DCLK2: variants seen among roughly 807,000 people sequenced by gnomAD.
DCLK2 encodes the protein doublecortin like kinase 2.
DCLK2 carries 31 observed loss-of-function variants against 78.4 expected under a neutral mutation model. The ratio of observed to expected loss-of-function variants is 0.40; its 90% CI spans 0.30 to 0.53. DCLK2 has a LOEUF of 0.53. DCLK2 is among the 20% of genes least tolerant of loss of function. The pLI is 0.61. For synonymous variants in DCLK2, 407 were observed against 374.9 expected (o/e 1.09, Z -0.99); for missense variants, 872 against 973.7 (o/e 0.90, Z 1.39).
chr4:150,254,810 GCTAGGACTACAGGTGCACGCCAC>G (rs1744442661), intron 15 of DCLK2, among the ~76,000 whole-genome samples: 1 of 152,088 alleles, frequency 6.6e-6, no homozygotes, highest in African/African-American at 2.4e-5. Context: ...CCTCCAAGTA[GCTAGGACTACAGGTGCACGCCAC>G]CTTGCCCGGC....
intron 1 of DCLK2, among the ~76,000 whole-genome samples, chr4:150,085,604 T>G (rs13127048): frequency 0.34 from 51,569 of 151,988 alleles, 9,131 homozygotes; most frequent in East Asian, 0.42. Context: ...GCTTGGGAGA[T>G]GTGTTCAACC....
intron 12 of DCLK2, among the ~76,000 whole-genome samples, chr4:150,246,199 C>T (rs2126618884): frequency 6.6e-6 from 1 of 152,232 alleles, no homozygotes; most frequent in East Asian, 1.9e-4. Flanking sequence ...TGCGCACCAC[C>T]ATGCCTGGCT....
At chr4:150,185,875 A>G (rs541353290) in intron 2 of DCLK2, among the ~76,000 whole-genome samples, 134 of 152,296 alleles carry the variant, frequency 8.8e-4, no homozygotes, top group African/African-American at 3.1e-3. Flanking sequence ...CCCTAACCTG[A>G]TTAATCTGTC....
rs76294921 is a variant in DCLK2, at chr4:150,166,532, G to C, written c.757-26606G>C. On this transcript the variant is annotated intron_variant, in intron 2 of 15. Coordinates refer to ENST00000296550, the MANE Select transcript of DCLK2 (RefSeq NM_001040260.4). ...AAAAACAAAAACCGATATTCTACTT[G>C]TCCCCAGCATTCTTCATTACTTGTG... Among the ~76,000 whole-genome samples the C allele has an allele frequency of 1.2e-3, 187 of 152,126 alleles. 7 individuals are homozygous for C. In the East Asian group the frequency reaches 0.033, roughly 27 times the overall value.
chr4:150,254,076 C>CA (rs1162544129), intron 15 of DCLK2, among the ~76,000 whole-genome samples: 4 of 152,182 alleles, frequency 2.6e-5, no homozygotes, highest in Admixed American at 2.0e-4. Flanking sequence ...AAGGACAGAG[C>CA]AGGGTGCATG....
chr4:150,143,052 A>G (rs1300895961), intron 2 of DCLK2, among the ~76,000 whole-genome samples: 3 of 152,014 alleles, frequency 2.0e-5, no homozygotes, highest in Non-Finnish European at 4.4e-5. Context: ...TTATCTTTCT[A>G]TGTTAGCTCA....
At chr4:150,182,922 A>G (rs1034567057) in intron 2 of DCLK2, among the ~76,000 whole-genome samples, 3 of 152,158 alleles carry the variant, frequency 2.0e-5, no homozygotes, top group African/African-American at 7.2e-5. Context: ...TCTGATAATG[A>G]AAGCATTTAA....
chr4:150,108,456 A>G (rs1412802188), intron 2 of DCLK2, among the ~76,000 whole-genome samples: 1 of 151,976 alleles, frequency 6.6e-6, no homozygotes, highest in African/African-American at 2.4e-5. Flanking sequence ...AGGCAGGAGA[A>G]TGGCATGAAC....
chr4:150,177,077 T>A (rs1036901347), intron 2 of DCLK2, among the ~76,000 whole-genome samples: 1 of 152,212 alleles, frequency 6.6e-6, no homozygotes, highest in Non-Finnish European at 1.5e-5. Context: ...TTTTATGCAT[T>A]CCCTGTGAAA....
intron 12 of DCLK2, among the ~76,000 whole-genome samples, chr4:150,242,977 G>T (rs990816648): frequency 6.6e-6 from 1 of 152,206 alleles, no homozygotes; most frequent in Non-Finnish European, 1.5e-5. Context: ...TTACAGTGGA[G>T]TTCCCTTCCC....
chr4:150,101,619 A>G (rs1307508933), intron 1 of DCLK2, among the ~76,000 whole-genome samples: 2 of 152,092 alleles, frequency 1.3e-5, no homozygotes, highest in Non-Finnish European at 2.9e-5. Context: ...TGACTTTCCT[A>G]AAAGAAAAAT....
intron 2 of DCLK2, among the ~76,000 whole-genome samples, chr4:150,165,449 C>T (rs1735994673): frequency 6.6e-6 from 1 of 152,130 alleles, no homozygotes; most frequent in African/African-American, 2.4e-5. Flanking sequence ...GGAAAATTTG[C>T]TCCAATTGCT....
intron 1 of DCLK2, among the ~76,000 whole-genome samples, chr4:150,090,638 T>G (rs1443631642): frequency 6.6e-6 from 1 of 152,174 alleles, no homozygotes; most frequent in Non-Finnish European, 1.5e-5. Flanking sequence ...GGTTTTCGTT[T>G]TTACATTTAG....
At position 150,208,400 on chromosome 4, in the gene DCLK2, GT is replaced by G. The variant is rs1553969065; in HGVS notation, c.1056+4516del. Among the ~76,000 whole-genome samples, 3 of 66,376 alleles carry G rather than the reference GT, an allele frequency of 4.5e-5. No homozygotes were observed. In the Admixed American group the frequency reaches 4.8e-4, roughly 11 times the overall value. 43.5% of individuals were successfully genotyped at this position (66,376 alleles called of 152,430 possible). A position where few individuals can be genotyped will look rare whatever the true frequency, so the allele number is the denominator to read the frequency against. ...ATGGAGAAACGGAGTTTTTTTTTTTGTTTTTGTTTTGTTTTGTTTTGTTTTG... is the reference window on the plus strand; with the variant it reads ...ATGGAGAAACGGAGTTTTTTTTTTTGTTTTGTTTTGTTTTGTTTTGTTTTG... On this transcript the variant is annotated intron_variant, in intron 5 of 15. Coordinates refer to ENST00000296550, the MANE Select transcript of DCLK2 (RefSeq NM_001040260.4).
At chr4:150,231,365 C>T (rs937067605) in intron 8 of DCLK2, among the ~76,000 whole-genome samples, 3 of 152,208 alleles carry the variant, frequency 2.0e-5, no homozygotes, top group Non-Finnish European at 4.4e-5. Context: ...GCATTCAGTG[C>T]TCAAGAAACA....
chr4:150,078,911 C>T lies in DCLK2; in HGVS notation c.-117C>T. 1 of 1,308,710 alleles carries T rather than the reference C, an allele frequency of 7.6e-7. No homozygotes were observed. The highest frequency in any genetic ancestry group is 1.7e-5 in the South Asian group (1 of 57,576). The allele number at this position is 1,308,710 out of a possible 1,614,324, so 81.1% of individuals were successfully genotyped here. On this transcript the variant is annotated 5_prime_UTR_variant, in exon 1 of 16. Transcript: ENST00000296550. ...CCACCTGCGCGGAGAGGGCGGGATG[C>T]CAGAGCCAGGTGTCCCGGCGCGTTA...
rs1276644762 is a variant in DCLK2 at position 150,256,389 on chromosome 4, A to ACCGGAGCCTGGCGTG, written c.*155_*169dup. Reference sequence around the variant, plus strand: ...CGGGTCCTCCGCAGGCCGCCTGGGAACCGGAGCCTGGCGTGCCGGAGCCTG... The same window carrying ACCGGAGCCTGGCGTG: ...CGGGTCCTCCGCAGGCCGCCTGGGAACCGGAGCCTGGCGTGCCGGAGCCTGGCGTGCCGGAGCCTG... On this transcript the variant is annotated 3_prime_UTR_variant, in exon 16 of 16. Transcript: ENST00000296550. The ACCGGAGCCTGGCGTG allele has an allele frequency of 8.3e-6, 10 of 1,199,594 alleles. No homozygotes were observed. Among genetic ancestry groups the ACCGGAGCCTGGCGTG allele is most frequent in the Non-Finnish European group, 1.1e-5 (10 of 891,464 alleles). 74.3% of individuals were successfully genotyped at this position (1,199,594 alleles called of 1,614,324 possible).
chr4:150,175,011 AATAT>A lies in DCLK2; in HGVS notation c.757-18108_757-18105del, dbSNP rs1327523541. Among the ~76,000 whole-genome samples, 2 of 9,974 alleles carry A rather than the reference AATAT, an allele frequency of 2.0e-4. 1 individual carries two copies. The highest frequency in any genetic ancestry group is 4.8e-4 in the Non-Finnish European group (2 of 4,166). The allele number at this position is 9,974 out of a possible 152,430, so 6.5% of individuals were successfully genotyped here. ...AGACTCCGTCGCAAAAAAAAAAAAAAATATATATATATATATATATATTTATATA... is the reference window on the plus strand; with the variant it reads ...AGACTCCGTCGCAAAAAAAAAAAAAAATATATATATATATATATTTATATA... On this transcript the variant is annotated intron_variant, in intron 2 of 15. Coordinates refer to ENST00000296550, the MANE Select transcript of DCLK2 (RefSeq NM_001040260.4).
chr4:150,254,025 C>A, intron 15 of DCLK2: 1 of 577,546 alleles, frequency 1.7e-6, no homozygotes, highest in Non-Finnish European at 2.2e-6. Context: ...TGTGGGATTA[C>A]AGTTCCCATT....
Sources: gnomAD v4.1 joint callset for allele counts (sites outside exome capture counted in the v4.1 genomes callset) on GRCh38, gnomAD v4.1.1 for gene constraint, MANE v1.5 for transcripts, NCBI Gene and HGNC (gene_info 2026-07-23, HGNC 2026-07-21) for gene names.